The following USHBP1 variants were observed in gnomAD, a reference collection of about 807,000 sequenced individuals.
USHBP1 encodes the protein USH1 protein network component harmonin binding protein 1, also known as harmonin-binding protein USHBP1.
A neutral mutation model predicts 76.2 loss-of-function variants in USHBP1; 67 were observed. The ratio of observed to expected loss-of-function variants is 0.88; its 90% CI spans 0.72 to 1.08. The LOEUF is 1.08. Ranked by LOEUF, USHBP1 falls within the 50% of genes least tolerant of loss-of-function variation. The pLI is 0.00. For synonymous variants in USHBP1, 322 were observed against 362.2 expected (o/e 0.89, Z 1.26); for missense variants, 931 against 915.0 (o/e 1.02, Z -0.23).
At chr19:17,259,570 A>G in intron 6 of USHBP1, 26 bp downstream of exon 6, 1 of 1,604,908 alleles carries the variant, frequency 6.2e-7, no homozygotes, top group East Asian at 2.2e-5. Flanking sequence ...CTGTGCCCTT[A>G]TGAGCTCAGC....
In USHBP1 at chr19:17,255,511, T is replaced by C; in HGVS notation, c.1566A>G (p.Pro522=). 2 of 1,613,926 alleles carry C rather than the reference T, an allele frequency of 1.2e-6. No individual in the cohort carries two copies. The highest frequency in any genetic ancestry group is 1.7e-6 in the Non-Finnish European group (2 of 1,179,892). Residue 522 remains proline, a synonymous_variant, in exon 10 of 13, where the codon CCA becomes CCG. Coordinates refer to ENST00000252597, the MANE Select transcript of USHBP1 (RefSeq NM_031941.4). Reference sequence around the variant, plus strand: ...GCTGCTCCAGCAGGAGCACGTGAGCTGGACCCAGGGCTCGGAGGGCAGCCT... The same window carrying C: ...GCTGCTCCAGCAGGAGCACGTGAGCCGGACCCAGGGCTCGGAGGGCAGCCT... ...LREAALRALG[P]AHVLLLEQLR...
At chr19:17,257,945 G>A (rs1173529492) in intron 8 of USHBP1, among the ~76,000 whole-genome samples, 8 of 152,086 alleles carry the variant, frequency 5.3e-5, no homozygotes, top group African/African-American at 7.2e-5. Context: ...CACTGTGCCC[G>A]GCTGTGGGTG....
intron 4 of USHBP1, 138 bp downstream of exon 4, chr19:17,262,414 C>T (rs1241558388): frequency 7.0e-6 from 7 of 997,904 alleles, no homozygotes; most frequent in East Asian, 5.3e-5. Flanking sequence ...TCCCAAAGTG[C>T]TGGGATTATA....
At position 17,262,645 on chromosome 19, in the gene USHBP1, G is replaced by C. The variant is rs1176208504; in HGVS notation, c.549C>G (p.Leu183=). The C allele has an allele frequency of 6.2e-7, 1 of 1,613,970 alleles. No individual in the cohort carries two copies. Among genetic ancestry groups the C allele is most frequent in the Non-Finnish European group, 8.5e-7 (1 of 1,180,030 alleles). The change falls in exon 4 of 13, where the codon CTC becomes CTG. Residue 183 remains leucine (L), a synonymous_variant. Coordinates refer to ENST00000252597, the MANE Select transcript of USHBP1 (RefSeq NM_031941.4). ...AARLAERNAW[L]RLALSSREDE... is the part of the protein sequence containing the mutation. ...CCTCTCGGCTACTCAGGGCCAGCCG[G>C]AGCCAGGCATTCCTCTCGGCCAGGC...
At chr19:17,254,231 C>G (rs1327155182) in intron 10 of USHBP1, among the ~76,000 whole-genome samples, 3 of 151,878 alleles carry the variant, frequency 2.0e-5, no homozygotes, top group Admixed American at 1.3e-4. Flanking sequence ...CCTGTAGTCC[C>G]AGCTACTCGG....
intron 4 of USHBP1, among the ~76,000 whole-genome samples, chr19:17,260,840 C>G (rs1203609918): frequency 1.3e-5 from 2 of 152,178 alleles, no homozygotes; most frequent in African/African-American, 4.8e-5. Context: ...CTCCATCTCT[C>G]CCTTCTAGTC....
At chr19:17,258,540 C>T (rs1191829882) in intron 7 of USHBP1, 155 bp from the exon 8 acceptor site, 7 of 741,658 alleles carry the variant, frequency 9.4e-6, no homozygotes, top group African/African-American at 1.8e-5. Context: ...GAAACCCCGT[C>T]TCTACTAAAA....
Position 17,264,111 on chromosome 19 carries a change from C to G in USHBP1, c.94G>C (p.Glu32Gln). ...DPVAESSEEV[E>Q]AASGSSKPSF... is the part of the protein sequence containing the mutation. ...GGCTTGGAGCTCCCACTGGCTGCCT[C>G]GACCTCCTCTGAACTCTCAGCCACG... The change falls in exon 3 of 13, where the codon GAG becomes CAG. Residue 32 changes from glutamate to glutamine, a missense_variant. Coordinates refer to ENST00000252597, the MANE Select transcript of USHBP1 (RefSeq NM_031941.4). The G allele has an allele frequency of 1.2e-6, 2 of 1,614,102 alleles. No homozygotes were observed. The highest frequency in any genetic ancestry group is 1.7e-6 in the Non-Finnish European group (2 of 1,179,984).
At chr19:17,253,900 A>G (rs2073585205) in intron 10 of USHBP1, among the ~76,000 whole-genome samples, 1 of 150,398 alleles carries the variant, frequency 6.6e-6, no homozygotes, top group East Asian at 2.0e-4. Context: ...TTCCCAAAAA[A>G]AAAAAAAAAG....
intron 4 of USHBP1, 90 bp from the exon 5 acceptor site, chr19:17,260,112 G>A: frequency 6.8e-7 from 1 of 1,469,862 alleles, no homozygotes; most frequent in Non-Finnish European, 9.0e-7. Flanking sequence ...GAAGTGGCAA[G>A]AACCCTAGCT....
chr19:17,256,786 A>G (rs1001609572), intron 8 of USHBP1, 66 bp from the exon 9 acceptor site: 4 of 1,603,114 alleles, frequency 2.5e-6, no homozygotes, highest in African/African-American at 1.3e-5. Flanking sequence ...GTTCATGCCA[A>G]TCCTGGTAGG....
intron 10 of USHBP1, among the ~76,000 whole-genome samples, chr19:17,253,934 G>A (rs1217365869): frequency 4.0e-5 from 6 of 150,050 alleles, no homozygotes; most frequent in Admixed American, 3.3e-4. Flanking sequence ...AAGGCCAGGC[G>A]CTGTGGCTCA....
At chr19:17,252,218 CAG>C (rs1433867744) in intron 10 of USHBP1, among the ~76,000 whole-genome samples, 1 of 152,014 alleles carries the variant, frequency 6.6e-6, no homozygotes, top group Non-Finnish European at 1.5e-5. Context: ...TTTTTTGAGA[CAG>C]AGTCTCACTC....
intron 10 of USHBP1, among the ~76,000 whole-genome samples, chr19:17,252,322 A>G (rs938314534): frequency 3.3e-5 from 5 of 151,980 alleles, no homozygotes; most frequent in Non-Finnish European, 7.4e-5. Flanking sequence ...CAGCCTCCCA[A>G]GTAGTTGGGA....
chr19:17,258,329 C>A lies in USHBP1; in HGVS notation c.1103G>T (p.Gly368Val). 6.2e-7 allele frequency: 1 copy of A among 1,614,096 alleles called. No individual in the cohort carries two copies. Among genetic ancestry groups the A allele is most frequent in the Non-Finnish European group, 8.5e-7 (1 of 1,180,026 alleles). The change falls in exon 8 of 13, where the codon GGA becomes GTA. Residue 368 changes from glycine (G) to valine (V), a missense_variant. Transcript: ENST00000252597. Reference protein sequence around the residue: ...VLLALREADSGAGDEAPMSDL... With the variant: ...VLLALREADSVAGDEAPMSDL... The stretch of plus-strand genomic sequence containing the variant: ...ACTCATGGGGGCTTCGTCTCCTGCT[C>A]CTGAGTCGGCCTCCCGCAGAGCAAG...
At chr19:17,256,128 G>A (rs2073616085) in intron 9 of USHBP1, among the ~76,000 whole-genome samples, 1 of 152,136 alleles carries the variant, frequency 6.6e-6, no homozygotes, top group Non-Finnish European at 1.5e-5. Context: ...GGGGCAAGTA[G>A]CTTACATAGG....
chr19:17,257,360 C>T (rs2145586107), intron 8 of USHBP1, among the ~76,000 whole-genome samples: 1 of 145,052 alleles, frequency 6.9e-6, no homozygotes, highest in East Asian at 2.3e-4. Flanking sequence ...AAATTAGCTG[C>T]GGCCGGGCGC....
intron 12 of USHBP1, among the ~76,000 whole-genome samples, chr19:17,251,302 T>TA (rs1402829953): frequency 6.6e-6 from 1 of 151,424 alleles, no homozygotes; most frequent in Non-Finnish European, 1.5e-5. Flanking sequence ...TAGCTGGAAT[T>TA]ACAGGCACGT....
chr19:17,253,899 A>G (rs2073585183), intron 10 of USHBP1, among the ~76,000 whole-genome samples: 1 of 150,192 alleles, frequency 6.7e-6, no homozygotes, highest in Admixed American at 6.7e-5. Context: ...TTTCCCAAAA[A>G]AAAAAAAAAA....
Sources: allele counts gnomAD v4.1 joint callset (sites outside exome capture counted in the v4.1 genomes callset), GRCh38; gene constraint gnomAD v4.1.1; transcripts MANE v1.5; gene names NCBI Gene and HGNC (gene_info 2026-07-23, HGNC 2026-07-21).